ARMH3: variants seen among roughly 807,000 people sequenced by gnomAD.
The protein encoded by ARMH3 is armadillo like helical domain containing 3, also known as armadillo-like helical domain-containing protein 3.
Under a neutral mutation model 99.1 loss-of-function variants are expected in ARMH3, and 60 were observed. That is an observed-to-expected ratio of 0.61 (90% CI 0.49 to 0.75). ARMH3 has a LOEUF of 0.75. Among genes scored for constraint, ARMH3 ranks in the 30% least tolerant of loss-of-function variants. The pLI, the probability that ARMH3 is intolerant of heterozygous loss-of-function variation, is 0.00. For synonymous variants in ARMH3, 285 were observed against 292.8 expected (o/e 0.97, Z 0.27); for missense variants, 679 against 843.1 (o/e 0.81, Z 2.41).
chr10:101,926,786 A>AT (rs1179669369), intron 23 of ARMH3, among the ~76,000 whole-genome samples: 2 of 152,004 alleles, frequency 1.3e-5, no homozygotes, highest in Non-Finnish European at 2.9e-5. Flanking sequence ...TGAAAACAAA[A>AT]TTTTTTTTCC....
intron 20 of ARMH3, among the ~76,000 whole-genome samples, chr10:101,974,174 G>A (rs1050545522): frequency 5.3e-4 from 80 of 152,156 alleles, no homozygotes; most frequent in African/African-American, 1.9e-3. Flanking sequence ...ACCATAGGCA[G>A]TAACTGCAAA....
intron 2 of ARMH3, among the ~76,000 whole-genome samples, chr10:102,037,721 C>G (rs1174554404): frequency 1.3e-5 from 2 of 152,000 alleles, no homozygotes; most frequent in Non-Finnish European, 1.5e-5. Context: ...GTAGCTGGTA[C>G]TACCTGGGAC....
At chr10:102,023,911 T>C (rs1011375759) in intron 6 of ARMH3, among the ~76,000 whole-genome samples, 162 bp from the exon 7 acceptor site, 1 of 152,160 alleles carries the variant, frequency 6.6e-6, no homozygotes, top group Non-Finnish European at 1.5e-5. Flanking sequence ...AGAGTCTGAA[T>C]AGACAACATA....
intron 23 of ARMH3, among the ~76,000 whole-genome samples, chr10:101,921,104 A>C (rs938768801): frequency 6.6e-6 from 1 of 152,014 alleles, no homozygotes; most frequent in South Asian, 2.1e-4. Flanking sequence ...AACTTAACAA[A>C]TCATTAGGAT....
At chr10:101,889,590 G>A (rs527771753) in intron 23 of ARMH3, 100 bp from the exon 24 acceptor site, 21 of 1,074,340 alleles carry the variant, frequency 2.0e-5, no homozygotes, top group Admixed American at 1.4e-4. Context: ...GAGTACTAGA[G>A]CATGGGACCG....
intron 11 of ARMH3, among the ~76,000 whole-genome samples, chr10:102,010,681 C>T (rs1307797098): frequency 6.6e-6 from 1 of 152,190 alleles, no homozygotes; most frequent in Non-Finnish European, 1.5e-5. Context: ...ATGCTTGAAA[C>T]TATACACAAA....
chr10:102,009,186 C>T (rs907003594), intron 13 of ARMH3, among the ~76,000 whole-genome samples, 188 bp downstream of exon 13: 8 of 152,188 alleles, frequency 5.3e-5, no homozygotes, highest in Non-Finnish European at 8.8e-5. Context: ...AGACCCATTT[C>T]AGCACCAATG....
chr10:101,974,012 C>G (rs1845884585), intron 20 of ARMH3, among the ~76,000 whole-genome samples: 1 of 152,120 alleles, frequency 6.6e-6, no homozygotes, highest in South Asian at 2.1e-4. Context: ...CTAAGAAATT[C>G]TACTGTTGGT....
Position 102,049,267 on chromosome 10 carries a change from C to T in ARMH3, c.-12+6818G>A, listed in dbSNP as rs530132568. On this transcript the variant is annotated intron_variant, in intron 1 of 25. Transcript: ENST00000370033. ...AGATCCAAAATGAAAATAGGGCTGG[C>T]ACGGTGGCTCACGCCTGTAATCCCA... Among the ~76,000 whole-genome samples the T allele has an allele frequency of 5.3e-5, 8 of 152,248 alleles. No individual in the cohort carries two copies. The South Asian group carries it at 1.7e-3, about 32-fold the overall frequency.
At chr10:101,863,683 G>C (rs1365231228) in intron 24 of ARMH3, among the ~76,000 whole-genome samples, 3 of 152,062 alleles carry the variant, frequency 2.0e-5, no homozygotes, top group Admixed American at 6.6e-5. Context: ...CCAGCACTTT[G>C]GAAGGCCGAG....
chr10:101,972,234 A>G (rs772820721), intron 20 of ARMH3, among the ~76,000 whole-genome samples: 6 of 152,236 alleles, frequency 3.9e-5, no homozygotes, highest in Non-Finnish European at 7.3e-5. Flanking sequence ...CCCAATAATA[A>G]CAAAGAGCTA....
intron 23 of ARMH3, among the ~76,000 whole-genome samples, chr10:101,930,323 T>G (rs1178124126): frequency 1.3e-5 from 2 of 152,060 alleles, no homozygotes; most frequent in African/African-American, 4.8e-5. Context: ...TTCAACCTGA[T>G]AAAGAGTATC....
At chr10:101,867,537 C>T (rs1022920624) in intron 24 of ARMH3, among the ~76,000 whole-genome samples, 1 of 152,152 alleles carries the variant, frequency 6.6e-6, no homozygotes, top group African/African-American at 2.4e-5. Flanking sequence ...ATCACTGTTA[C>T]AGAAAAAGCC....
intron 23 of ARMH3, among the ~76,000 whole-genome samples, chr10:101,894,795 CCCAGGGG>C (rs2067779384): frequency 6.6e-6 from 1 of 151,716 alleles, no homozygotes; most frequent in South Asian, 2.1e-4. Context: ...ACTGCTTGAA[CCCAGGGG>C]CCAGAGGTTG....
At chr10:102,001,944 T>TG in intron 15 of ARMH3, 27 bp downstream of exon 15, 1 of 1,605,470 alleles carries the variant, frequency 6.2e-7, no homozygotes, top group Non-Finnish European at 8.5e-7. Context: ...TTTGACTTCC[T>TG]GAGCCCCCAA....
chr10:102,027,458 G>A (rs1031351448), intron 5 of ARMH3, among the ~76,000 whole-genome samples: 12 of 152,020 alleles, frequency 7.9e-5, no homozygotes, highest in African/African-American at 2.4e-4. Flanking sequence ...TCATCACAGC[G>A]TGGGGCCTGT....
At chr10:101,848,135 C>T (rs2066503486) in intron 25 of ARMH3, among the ~76,000 whole-genome samples, 1 of 152,186 alleles carries the variant, frequency 6.6e-6, no homozygotes, top group Admixed American at 6.5e-5. Context: ...AGAGTAGGAT[C>T]CAAGGAGGCC....
intron 23 of ARMH3, among the ~76,000 whole-genome samples, chr10:101,894,931 G>A (rs1309053645): frequency 6.7e-6 from 1 of 150,152 alleles, no homozygotes; most frequent in African/African-American, 2.5e-5. Context: ...TGACGACACA[G>A]TGAGAAGGCT....
At chr10:101,981,728 T>G (rs904485625) in intron 19 of ARMH3, among the ~76,000 whole-genome samples, 7 of 149,996 alleles carry the variant, frequency 4.7e-5, no homozygotes, top group Non-Finnish European at 1.0e-4. Context: ...CTTAAAAGAC[T>G]TGGGTACAGG....
Sources: allele counts gnomAD v4.1 joint callset (sites outside exome capture counted in the v4.1 genomes callset), GRCh38; gene constraint gnomAD v4.1.1; transcripts MANE v1.5; gene names NCBI Gene and HGNC (gene_info 2026-07-23, HGNC 2026-07-21).